The following PLA2G7 variants were observed in gnomAD, a reference collection of about 807,000 sequenced individuals.
PLA2G7 encodes phospholipase A2 group VII, also known as platelet-activating factor acetylhydrolase.
Under a neutral mutation model 49.6 loss-of-function variants are expected in PLA2G7, and 63 were observed. The observed-to-expected ratio is 1.27, with a 90% confidence interval of 1.04 to 1.57. PLA2G7 has a LOEUF of 1.57. Ranked by LOEUF, PLA2G7 falls within the 40% of genes most tolerant of loss-of-function variation. PLA2G7 has a pLI of 0.00. For synonymous variants in PLA2G7, 193 were observed against 169.9 expected (o/e 1.14, Z -1.06); for missense variants, 596 against 521.2 (o/e 1.14, Z -1.40).
chr6:46,705,383 G>A, intron 10 of PLA2G7, 82 bp from the exon 11 acceptor site: 2 of 1,096,446 alleles, frequency 1.8e-6, no homozygotes, highest in South Asian at 1.3e-5. Context: ...AAAGGTACTG[G>A]TCTTGTTGGT....
chr6:46,710,617 C>G lies in PLA2G7; in HGVS notation c.705G>C (p.Leu235=). 1 of 1,613,582 alleles carries G rather than the reference C, an allele frequency of 6.2e-7. No individual in the cohort carries two copies. The change falls in exon 8 of 12, where the codon CTG becomes CTC. Residue 235 remains leucine, a synonymous_variant. Transcript: ENST00000274793. ...RAKECSQALS[L]ILDIDHGKPV... is the part of the protein sequence containing the mutation. ...GCTTTCCATGATCAATGTCAAGAAT[C>G]AGACTGAGAGCTTGGGAACATTCTT...
intron 1 of PLA2G7, among the ~76,000 whole-genome samples, chr6:46,724,282 C>T (rs980188971): frequency 6.6e-6 from 1 of 152,128 alleles, no homozygotes; most frequent in East Asian, 1.9e-4. Flanking sequence ...AAACTTAGTT[C>T]TGTGAGTGTA....
chr6:46,728,479 A>C (rs927929552), intron 1 of PLA2G7, among the ~76,000 whole-genome samples: 1 of 152,240 alleles, frequency 6.6e-6, no homozygotes, highest in African/African-American at 2.4e-5. Flanking sequence ...TTGTTTAATA[A>C]GGAAGAAATA....
intron 1 of PLA2G7, among the ~76,000 whole-genome samples, chr6:46,729,760 C>T (rs1215183030): frequency 2.0e-5 from 3 of 152,112 alleles, no homozygotes; most frequent in Non-Finnish European, 2.9e-5. Flanking sequence ...TGGCCTCTAC[C>T]CACTAGATGC....
chr6:46,704,458 TCTCTCTCTCTCTCTCTCTCTCACA>T lies in PLA2G7; in HGVS notation c.*78_*101del, dbSNP rs1280705155. 14 of 591,746 alleles carry T rather than the reference TCTCTCTCTCTCTCTCTCTCTCACA, an allele frequency of 2.4e-5. No individual in the cohort carries two copies. Among genetic ancestry groups the T allele is most frequent in the Admixed American group, 1.3e-4 (5 of 38,016 alleles). The allele number at this position is 591,746 out of a possible 1,614,324, so 36.7% of individuals were successfully genotyped here. On this transcript the variant is annotated 3_prime_UTR_variant, in exon 12 of 12. Transcript: ENST00000274793. Reference sequence around the variant, plus strand: ...CATTAAAATTCTCTCTCTCTCTCTCTCTCTCTCTCTCTCTCTCTCTCACACACACACACACACACACACACACAC... The same window carrying T: ...CATTAAAATTCTCTCTCTCTCTCTCTCACACACACACACACACACACACAC...
At chr6:46,716,339 T>C (rs1393162543) in intron 4 of PLA2G7, 45 bp downstream of exon 4, 2 of 1,605,940 alleles carry the variant, frequency 1.2e-6, no homozygotes, top group East Asian at 4.5e-5. Flanking sequence ...TTCAAGGTTT[T>C]CATACATGCA....
At chr6:46,712,207 A>C in intron 6 of PLA2G7, 62 bp downstream of exon 6, 1 of 1,007,454 alleles carries the variant, frequency 9.9e-7, no homozygotes, top group Middle Eastern at 2.0e-4. Flanking sequence ...TTAGAAACAT[A>C]GTTATGAGCA....
At chr6:46,716,044 C>G (rs1344865430) in intron 4 of PLA2G7, among the ~76,000 whole-genome samples, 2 of 152,148 alleles carry the variant, frequency 1.3e-5, no homozygotes, top group South Asian at 2.1e-4. Flanking sequence ...AACTTTAGCA[C>G]AGAGCATGCG....
chr6:46,732,452 C>G (rs1765763919), intron 1 of PLA2G7, among the ~76,000 whole-genome samples: 1 of 152,024 alleles, frequency 6.6e-6, no homozygotes, highest in South Asian at 2.1e-4. Flanking sequence ...TATGAATTCA[C>G]CCTGTTCATC....
rs45571336 is a variant in PLA2G7 at position 46,727,503 on chromosome 6, G to C, written c.-34-4578C>G. ...ATTCTTCCTGATTGACCTTTGGAAT[G>C]GGGGCATGTGGCAGGTTGAATAATG... is the stretch of plus-strand genomic sequence containing the variant. On this transcript the variant is annotated intron_variant, in intron 1 of 11. Coordinates refer to ENST00000274793, the MANE Select transcript of PLA2G7 (RefSeq NM_005084.4). 1.4e-3 allele frequency among the ~76,000 whole-genome samples: 217 copies of C among 152,276 alleles called. 1 individual carries two copies. Among genetic ancestry groups the C allele is most frequent in the African/African-American group, 5.1e-3 (211 of 41,560 alleles).
chr6:46,734,547 G>A (rs1393628361), intron 1 of PLA2G7, among the ~76,000 whole-genome samples: 2 of 151,616 alleles, frequency 1.3e-5, no homozygotes, highest in Non-Finnish European at 2.9e-5. Context: ...TCCGGGGCGG[G>A]CGCGGTGGCT....
chr6:46,726,272 A>G (rs1430563525), intron 1 of PLA2G7, among the ~76,000 whole-genome samples: 1 of 152,352 alleles, frequency 6.6e-6, no homozygotes, highest in East Asian at 1.9e-4. Flanking sequence ...AAGCACTCCA[A>G]TATTATAACC....
intron 1 of PLA2G7, among the ~76,000 whole-genome samples, chr6:46,729,605 G>A (rs932661709): frequency 2.6e-5 from 4 of 152,174 alleles, no homozygotes; most frequent in Non-Finnish European, 5.9e-5. Context: ...AGTTCACAAG[G>A]ATAGGAAGTA....
intron 1 of PLA2G7, among the ~76,000 whole-genome samples, chr6:46,732,718 A>G (rs1035391688): frequency 1.3e-5 from 2 of 152,206 alleles, no homozygotes; most frequent in African/African-American, 4.8e-5. Context: ...TGTATGTATT[A>G]GCCTGTTTCT....
At chr6:46,710,707 A>G (rs201558422) in intron 7 of PLA2G7, 49 bp from the exon 8 acceptor site, 3 of 1,410,370 alleles carry the variant, frequency 2.1e-6, no homozygotes, top group African/African-American at 2.8e-5. Flanking sequence ...AAGTTATAAC[A>G]CTTATTTTAA....
At chr6:46,734,467 A>AC (rs1765846181) in intron 1 of PLA2G7, among the ~76,000 whole-genome samples, 1 of 125,092 alleles carries the variant, frequency 8.0e-6, no homozygotes, top group Non-Finnish European at 1.6e-5. Context: ...AGAGAGAGAG[A>AC]GAGAGAGAGA....
intron 1 of PLA2G7, among the ~76,000 whole-genome samples, chr6:46,730,431 A>G (rs1480874966): frequency 6.6e-6 from 1 of 152,250 alleles, no homozygotes; most frequent in Non-Finnish European, 1.5e-5. Flanking sequence ...TGAAGGTGAA[A>G]GTATAACAGA....
intron 10 of PLA2G7, among the ~76,000 whole-genome samples, chr6:46,706,822 T>C (rs1041334199): frequency 5.3e-5 from 8 of 152,222 alleles, no homozygotes; most frequent in African/African-American, 1.9e-4. Flanking sequence ...ACACATAAGC[T>C]AAATGAAGTC....
chr6:46,708,719 A>G (rs1764911609), intron 9 of PLA2G7, among the ~76,000 whole-genome samples: 1 of 152,164 alleles, frequency 6.6e-6, no homozygotes, highest in Non-Finnish European at 1.5e-5. Flanking sequence ...TGGTAAATGG[A>G]TCAAAGAAGA....
Sources: gnomAD v4.1 joint callset for allele counts (sites outside exome capture counted in the v4.1 genomes callset) on GRCh38, gnomAD v4.1.1 for gene constraint, MANE v1.5 for transcripts, NCBI Gene and HGNC (gene_info 2026-07-23, HGNC 2026-07-21) for gene names.